The following IL1RAPL1 variants were observed in gnomAD, a reference collection of about 807,000 sequenced individuals.
IL1RAPL1 encodes interleukin 1 receptor accessory protein like 1.
In IL1RAPL1, 3 loss-of-function variants were observed where a neutral mutation model predicts 48.4. That is an observed-to-expected ratio of 0.06 (90% CI 0.03 to 0.16). The LOEUF (loss-of-function observed/expected upper bound fraction) is 0.16, where lower values mean the gene tolerates loss of function less well. Ranked by LOEUF, IL1RAPL1 falls within the 10% of genes least tolerant of loss-of-function variation. The pLI, the probability that IL1RAPL1 is intolerant of heterozygous loss-of-function variation, is 1.00. For synonymous variants in IL1RAPL1, 185 were observed against 187.7 expected, an observed-to-expected ratio of 0.99 and a Z score of 0.12; for missense variants, 349 against 530.6, an observed-to-expected ratio of 0.66 and a Z score of 3.36.
chrX:28,749,913 GAAAGAAAAAA>G (rs201154559), intron 1 of IL1RAPL1, among the ~76,000 whole-genome samples: 6,541 of 91,979 alleles, frequency 0.071, 437 homozygotes, highest in East Asian at 0.34. Flanking sequence ...CCAAAAAAAA[GAAAGAAAAAA>G]AAAGAAAAAA....
At chrX:29,561,211 A>T (rs1922184594) in intron 5 of IL1RAPL1, among the ~76,000 whole-genome samples, 1 of 112,130 alleles carries the variant, frequency 8.9e-6, no homozygotes, top group African/African-American at 3.2e-5. Context: ...GAAGTACTCA[A>T]AGTTAATTGC....
intron 5 of IL1RAPL1, among the ~76,000 whole-genome samples, chrX:29,550,353 G>T (rs760093652): frequency 9.1e-6 from 1 of 110,396 alleles, no homozygotes. Context: ...CACCACGCCC[G>T]GCTAATTCTT....
intron 2 of IL1RAPL1, among the ~76,000 whole-genome samples, chrX:29,058,653 C>A (rs765216362): frequency 8.9e-6 from 1 of 111,859 alleles, no homozygotes; most frequent in Non-Finnish European, 1.9e-5. Context: ...GCATTTTGTA[C>A]TTATCTGCAG....
intron 1 of IL1RAPL1, among the ~76,000 whole-genome samples, chrX:28,769,698 G>A (rs1936289768): frequency 9.0e-6 from 1 of 111,347 alleles, no homozygotes; most frequent in Admixed American, 9.6e-5. Flanking sequence ...AGGCAGACCT[G>A]TTATCATTCT....
chrX:29,389,342 C>A (rs1352027413), intron 3 of IL1RAPL1, among the ~76,000 whole-genome samples: 2 of 80,360 alleles, frequency 2.5e-5, no homozygotes, highest in Non-Finnish European at 2.3e-5. Context: ...GGCAATAGAG[C>A]GAGACTCCAT....
intron 5 of IL1RAPL1, among the ~76,000 whole-genome samples, chrX:29,600,130 T>C (rs933890765): frequency 8.9e-6 from 1 of 112,194 alleles, no homozygotes; most frequent in African/African-American, 3.2e-5. Flanking sequence ...GTTTTTCTGG[T>C]TCCTTCTCAT....
intron 9 of IL1RAPL1, among the ~76,000 whole-genome samples, chrX:29,952,309 CCAGA>C (rs1171673543): frequency 1.8e-5 from 2 of 111,622 alleles, no homozygotes; most frequent in East Asian, 2.8e-4. Flanking sequence ...GAACAGATTA[CCAGA>C]AAGAAAATAG....
chrX:29,421,483 G>T (rs1295485194), intron 5 of IL1RAPL1, among the ~76,000 whole-genome samples: 1 of 109,977 alleles, frequency 9.1e-6, no homozygotes, highest in Non-Finnish European at 1.9e-5. Flanking sequence ...TTTATTACTT[G>T]GCTGTCTCAC....
intron 2 of IL1RAPL1, among the ~76,000 whole-genome samples, chrX:28,961,102 A>T (rs933067032): frequency 1.8e-5 from 2 of 109,671 alleles, no homozygotes; most frequent in Non-Finnish European, 3.8e-5. Context: ...TAACAAACAG[A>T]TAGCTTATGC....
At position 28,659,195 on chromosome X, in the gene IL1RAPL1, A is replaced by T. The variant is rs146018877; in HGVS notation, c.-25+71148A>T. The T allele has an allele frequency of 3.3e-3, 2,481 of 755,615 alleles. 35 individuals are homozygous for T. In the African/African-American group the frequency reaches 0.045, roughly 14 times the overall value. The allele number at this position is 755,615 out of a possible 1,213,427, so 62.3% of individuals were successfully genotyped here. On this transcript the variant is annotated intron_variant, in intron 1 of 10. Coordinates refer to ENST00000378993, the MANE Select transcript of IL1RAPL1 (RefSeq NM_014271.4). ...CAGCTAGGCCTCAGTTGCCTCCTGC[A>T]AAGCACCGATAGCTGCACTCTGGAA... is the stretch of plus-strand genomic sequence containing the variant.
At chrX:29,404,593 A>T (rs1934032194) in intron 5 of IL1RAPL1, among the ~76,000 whole-genome samples, 1 of 111,928 alleles carries the variant, frequency 8.9e-6, no homozygotes, top group Non-Finnish European at 1.9e-5. Flanking sequence ...CATTCATTTC[A>T]CTTACCCATA....
At chrX:29,918,113 ACT>A (rs1254191822) in intron 7 of IL1RAPL1, among the ~76,000 whole-genome samples, 3 of 50,754 alleles carry the variant, frequency 5.9e-5, no homozygotes, top group African/African-American at 1.6e-4. Context: ...ACAGAGTGAG[ACT>A]CTGTCTCCAA....
chrX:29,080,273 C>T (rs969703467), intron 2 of IL1RAPL1, among the ~76,000 whole-genome samples: 1 of 109,150 alleles, frequency 9.2e-6, no homozygotes, highest in Non-Finnish European at 1.9e-5. Flanking sequence ...CAAGTACATG[C>T]GAGGCTGAGG....
intron 2 of IL1RAPL1, among the ~76,000 whole-genome samples, chrX:28,986,922 G>T (rs1601997343): frequency 8.9e-6 from 1 of 111,881 alleles, no homozygotes; most frequent in East Asian, 2.8e-4. Flanking sequence ...AATTTGCATG[G>T]TCATATATAT....
At chrX:29,315,579 G>T (rs1458924221) in intron 3 of IL1RAPL1, among the ~76,000 whole-genome samples, 2 of 111,592 alleles carry the variant, frequency 1.8e-5, no homozygotes, top group Admixed American at 1.9e-4. Context: ...ACAGAAAGCT[G>T]CCTGCAGTAA....
intron 8 of IL1RAPL1, among the ~76,000 whole-genome samples, chrX:29,940,344 G>T (rs138804888): frequency 0.016 from 1,746 of 111,487 alleles, 39 homozygotes; most frequent in African/African-American, 0.054. Context: ...CTGATAACCT[G>T]AGGGTACTTG....
At chrX:28,597,530 G>A (rs1191486393) in intron 1 of IL1RAPL1, among the ~76,000 whole-genome samples, 2 of 111,006 alleles carry the variant, frequency 1.8e-5, no homozygotes, top group African/African-American at 3.3e-5. Flanking sequence ...TCAGGAGTTC[G>A]AGACCAGCCT....
Position 28,882,843 on chromosome X carries a change from T to C in IL1RAPL1, c.82+93418T>C, listed in dbSNP as rs773475223. Among the ~76,000 whole-genome samples, 4 of 111,765 alleles carry C rather than the reference T, an allele frequency of 3.6e-5. No individual in the cohort carries two copies. In the Admixed American group the frequency reaches 3.8e-4, roughly 11 times the overall value. On this transcript the variant is annotated intron_variant, in intron 2 of 10. Coordinates refer to ENST00000378993, the MANE Select transcript of IL1RAPL1 (RefSeq NM_014271.4). ...TGATAAAAGTGAATATATAGACGAA[T>C]ATAGAATCCTGCAGTATTGTAATGT...
At chrX:29,485,868 C>CCAGCAGCAT (rs955738044) in intron 5 of IL1RAPL1, among the ~76,000 whole-genome samples, 4 of 111,103 alleles carry the variant, frequency 3.6e-5, no homozygotes, top group Non-Finnish European at 7.5e-5. Flanking sequence ...TGAGCAGGAG[C>CCAGCAGCAT]CAGCAGCATC....
Sources: gnomAD v4.1 joint callset for allele counts (sites outside exome capture counted in the v4.1 genomes callset) on GRCh38, gnomAD v4.1.1 for gene constraint, MANE v1.5 for transcripts, NCBI Gene and HGNC (gene_info 2026-07-23, HGNC 2026-07-21) for gene names.